Variants in ATXN7 observed in about 807,000 individuals in gnomAD.
ATXN7 encodes the protein ataxin 7.
Under a neutral mutation model 70.5 loss-of-function variants are expected in ATXN7, and 12 were observed. The ratio of observed to expected loss-of-function variants is 0.17; its 90% CI spans 0.11 to 0.28. The LOEUF (loss-of-function observed/expected upper bound fraction) is 0.28. Among genes scored for constraint, ATXN7 ranks in the 10% least tolerant of loss-of-function variants. The probability of loss-of-function intolerance (pLI) is 1.00; values close to 1 mark genes in which losing one functional copy is unlikely to be tolerated. For missense variants in ATXN7, 1,256 were observed against 1,131.7 expected (o/e 1.11, Z -1.58); for synonymous variants, 498 against 448.7 (o/e 1.11, Z -1.39).
intron 4 of ATXN7, among the ~76,000 whole-genome samples, chr3:63,943,079 G>T (rs1186418660): frequency 6.6e-6 from 1 of 152,186 alleles, no homozygotes; most frequent in Non-Finnish European, 1.5e-5. Context: ...TGAGTGACAA[G>T]AGAGAATTGT....
chr3:63,982,752 C>G, intron 7 of ATXN7, 187 bp from the exon 8 acceptor site: 1 of 617,308 alleles, frequency 1.6e-6, no homozygotes, highest in Non-Finnish European at 2.8e-6. Context: ...AGTAGTCACC[C>G]CCTGTCTTAG....
At position 63,952,461 on chromosome 3, in the gene ATXN7, G is replaced by A. The variant is rs192106966; in HGVS notation, c.477G>A (p.Pro159=). The change falls in exon 5 of 13, where the codon CCG becomes CCA. Residue 159 remains proline, a synonymous_variant. Coordinates refer to ENST00000674280, the MANE Select transcript of ATXN7 (RefSeq NM_001377405.1). Reference sequence around the variant, plus strand: ...ACGACTGTAATCAGGTTGTCAAACCGCAGGCATTTCAATCACATTATGGTA... The same window carrying A: ...ACGACTGTAATCAGGTTGTCAAACCACAGGCATTTCAATCACATTATGGTA... The part of the protein sequence containing the change: ...VCNDCNQVVK[P]QAFQSHYERR... The A allele has an allele frequency of 2.8e-4, 452 of 1,610,368 alleles. 1 individual carries two copies. Among genetic ancestry groups the A allele is most frequent in the Non-Finnish European group, 3.3e-4 (390 of 1,178,362 alleles).
chr3:63,909,285 G>A (rs1703937553), intron 2 of ATXN7, among the ~76,000 whole-genome samples: 1 of 152,136 alleles, frequency 6.6e-6, no homozygotes. Context: ...AATTGTATTG[G>A]CCTGGTGTGG....
At chr3:63,941,312 G>T (rs924272098) in intron 4 of ATXN7, among the ~76,000 whole-genome samples, 2 of 152,118 alleles carry the variant, frequency 1.3e-5, no homozygotes, top group Non-Finnish European at 2.9e-5. Flanking sequence ...CTATGGGGTG[G>T]GGGGTTTGGG....
chr3:63,999,642 GTC>G lies in ATXN7; in HGVS notation c.*179_*180del. On this transcript the variant is annotated 3_prime_UTR_variant, in exon 13 of 13. Transcript: ENST00000674280. ...TTAACGAGGATTTCCCTGAAGCTAT[GTC>G]TCTAGCAGTGAGTACTCATAAAGGA... 8.7e-7 allele frequency: 1 copy of G among 1,149,142 alleles called. No homozygotes were observed. Among genetic ancestry groups the G allele is most frequent in the Admixed American group, 2.0e-5 (1 of 50,240 alleles). The allele number at this position is 1,149,142 out of a possible 1,614,324, so 71.2% of individuals were successfully genotyped here. A position where few individuals can be genotyped will look rare whatever the true frequency, so the allele number is the denominator to read the frequency against.
intron 11 of ATXN7, chr3:63,991,126 A>G: frequency 2.2e-6 from 1 of 448,830 alleles, no homozygotes; most frequent in Non-Finnish European, 4.1e-6. Context: ...GGGGAGAAAA[A>G]AACTAGTCTA....
chr3:63,945,784 TAG>T (rs1428502200), intron 4 of ATXN7, among the ~76,000 whole-genome samples: 1 of 152,162 alleles, frequency 6.6e-6, no homozygotes, highest in African/African-American at 2.4e-5. Context: ...GAGCCCTACC[TAG>T]CCAAGTCTCT....
chr3:63,981,837 C>A (rs2075492126), intron 6 of ATXN7, among the ~76,000 whole-genome samples: 1 of 152,194 alleles, frequency 6.6e-6, no homozygotes, highest in Non-Finnish European at 1.5e-5. Flanking sequence ...AAGGGTTCTG[C>A]AAATAGTCTT....
chr3:63,905,420 AG>A (rs1703804478), intron 2 of ATXN7: 2 of 152,196 alleles, frequency 1.3e-5, no homozygotes, highest in Non-Finnish European at 2.9e-5. Flanking sequence ...CATGTTGGCC[AG>A]GATGGTCTCG....
chr3:63,961,364 A>G (rs2075127860), intron 5 of ATXN7, among the ~76,000 whole-genome samples: 1 of 152,140 alleles, frequency 6.6e-6, no homozygotes, highest in African/African-American at 2.4e-5. Context: ...GGACACTTAG[A>G]TCTTCAGTGT....
chr3:63,966,405 T>C (rs1285393725), intron 5 of ATXN7, among the ~76,000 whole-genome samples: 1 of 152,160 alleles, frequency 6.6e-6, no homozygotes, highest in Non-Finnish European at 1.5e-5. Flanking sequence ...CTTCAGTGAA[T>C]TAACTTAAAA....
chr3:63,987,445 T>C (rs866839711), intron 8 of ATXN7, among the ~76,000 whole-genome samples: 1 of 152,224 alleles, frequency 6.6e-6, no homozygotes. Flanking sequence ...TTCCTGTTCA[T>C]AGCATTTCTT....
chr3:63,979,823 C>T, intron 5 of ATXN7, 92 bp from the exon 6 acceptor site: 1 of 1,557,026 alleles, frequency 6.4e-7, no homozygotes, highest in Non-Finnish European at 8.7e-7. Flanking sequence ...CGTGTTTTAA[C>T]CTGAATATAT....
intron 4 of ATXN7, among the ~76,000 whole-genome samples, chr3:63,936,049 C>A (rs1297540260): frequency 6.6e-6 from 1 of 152,158 alleles, no homozygotes; most frequent in Non-Finnish European, 1.5e-5. Context: ...AGGTATGAAT[C>A]AACTAAGATG....
At chr3:63,994,140 C>T (rs904270881) in intron 11 of ATXN7, among the ~76,000 whole-genome samples, 2 of 152,204 alleles carry the variant, frequency 1.3e-5, no homozygotes, top group African/African-American at 2.4e-5. Flanking sequence ...GTGGCTTAAG[C>T]TCCACAGGTG....
intron 1 of ATXN7, among the ~76,000 whole-genome samples, chr3:63,884,257 A>G (rs1185065465): frequency 6.6e-6 from 1 of 151,738 alleles, no homozygotes; most frequent in Non-Finnish European, 1.5e-5. Flanking sequence ...TCACACACAC[A>G]CACACTCATT....
chr3:63,875,843 ATTAC>A (rs1339321858), intron 1 of ATXN7, among the ~76,000 whole-genome samples: 1 of 152,042 alleles, frequency 6.6e-6, no homozygotes, highest in Non-Finnish European at 1.5e-5. Context: ...CTTTCCCCCC[ATTAC>A]TTTTAAAGTT....
intron 5 of ATXN7, among the ~76,000 whole-genome samples, chr3:63,971,713 ATTCT>A (rs1416251075): frequency 6.6e-6 from 1 of 152,154 alleles, no homozygotes; most frequent in African/African-American, 2.4e-5. Context: ...ATACAAAGTC[ATTCT>A]TTCAGAGATA....
intron 4 of ATXN7, among the ~76,000 whole-genome samples, chr3:63,918,836 G>A (rs1409265920): frequency 3.9e-5 from 6 of 152,110 alleles, no homozygotes; most frequent in Middle Eastern, 3.2e-3. Flanking sequence ...GCATCACCTC[G>A]TGCTTGTTGA....
Sources: gnomAD v4.1 joint callset for allele counts (sites outside exome capture counted in the v4.1 genomes callset) on GRCh38, gnomAD v4.1.1 for gene constraint, MANE v1.5 for transcripts, NCBI Gene and HGNC (gene_info 2026-07-23, HGNC 2026-07-21) for gene names.